Variants in ADAMTS3 observed in about 807,000 individuals in gnomAD.
ADAMTS3 encodes the protein A disintegrin and metalloproteinase with thrombospondin motifs 3.
Under a neutral mutation model 129.0 loss-of-function variants are expected in ADAMTS3, and 73 were observed. That is an observed-to-expected ratio of 0.57 (90% CI 0.47 to 0.69). ADAMTS3 has a LOEUF of 0.69. ADAMTS3 is among the 30% of genes least tolerant of loss of function. The pLI is 0.00. For missense variants in ADAMTS3, 1,457 were observed against 1,514.5 expected (o/e 0.96, Z 0.63); for synonymous variants, 477 against 510.8 (o/e 0.93, Z 0.89).
intron 4 of ADAMTS3, among the ~76,000 whole-genome samples, chr4:72,350,159 C>T (rs1720393989): frequency 6.6e-6 from 1 of 151,926 alleles, no homozygotes; most frequent in African/African-American, 2.4e-5. Context: ...CTGCTAAAGA[C>T]ACTTATTTGC....
At chr4:72,409,229 A>G (rs757025894) in intron 4 of ADAMTS3, among the ~76,000 whole-genome samples, 15 of 152,260 alleles carry the variant, frequency 9.9e-5, no homozygotes, top group Non-Finnish European at 2.1e-4. Flanking sequence ...TTGATAATAG[A>G]GTGTGTTTTA....
chr4:72,545,532 C>T (rs1347629985), intron 3 of ADAMTS3, among the ~76,000 whole-genome samples: 1 of 152,128 alleles, frequency 6.6e-6, no homozygotes, highest in Non-Finnish European at 1.5e-5. Flanking sequence ...TTGCTTTGTT[C>T]CTACTCCCTG....
intron 5 of ADAMTS3, among the ~76,000 whole-genome samples, chr4:72,330,978 T>A (rs1014317215): frequency 1.5e-4 from 23 of 151,116 alleles, no homozygotes; most frequent in African/African-American, 5.4e-4. Context: ...ATACAAAGGT[T>A]GTAACAAAGT....
chr4:72,336,242 T>G (rs528032738), intron 5 of ADAMTS3, among the ~76,000 whole-genome samples: 2 of 152,292 alleles, frequency 1.3e-5, no homozygotes, highest in South Asian at 4.2e-4. Context: ...AAGATAGAAT[T>G]TTTTGCTGTT....
At chr4:72,285,824 A>C (rs1483050380) in intron 21 of ADAMTS3, among the ~76,000 whole-genome samples, 2 of 152,166 alleles carry the variant, frequency 1.3e-5, no homozygotes, top group Admixed American at 1.3e-4. Context: ...CACATGAAAA[A>C]AATCAATCAA....
chr4:72,437,343 C>A (rs1201015298), intron 3 of ADAMTS3, among the ~76,000 whole-genome samples: 4 of 151,782 alleles, frequency 2.6e-5, no homozygotes, highest in African/African-American at 4.8e-5. Context: ...CTGCTAGAAC[C>A]ACGTACATCG....
At chr4:72,540,446 T>C (rs932635073) in intron 3 of ADAMTS3, among the ~76,000 whole-genome samples, 24 of 152,236 alleles carry the variant, frequency 1.6e-4, no homozygotes, top group Non-Finnish European at 1.6e-4. Flanking sequence ...GACAATGCAA[T>C]AGGAAAGAAA....
intron 3 of ADAMTS3, among the ~76,000 whole-genome samples, chr4:72,494,409 T>A (rs1282682857): frequency 6.6e-6 from 1 of 152,144 alleles, no homozygotes; most frequent in East Asian, 1.9e-4. Context: ...GCTCCAGAAT[T>A]TCTGTTTGGT....
chr4:72,405,341 A>G (rs1046363468), intron 4 of ADAMTS3, among the ~76,000 whole-genome samples: 1 of 152,144 alleles, frequency 6.6e-6, no homozygotes, highest in Non-Finnish European at 1.5e-5. Context: ...ATATATATAC[A>G]TGGAATATTA....
rs558243721 is a variant in ADAMTS3 at position 72,409,114 on chromosome 4, C to G, written c.661+5701G>C. Among the ~76,000 whole-genome samples the G allele has an allele frequency of 2.0e-5, 3 of 152,054 alleles. No homozygotes were observed. In the East Asian group the frequency reaches 5.8e-4, roughly 29 times the overall value. On this transcript the variant is annotated intron_variant, in intron 4 of 21. Coordinates refer to ENST00000286657, the MANE Select transcript of ADAMTS3 (RefSeq NM_014243.3). ...AAAATAAAATGTGGTTAAGGAGGCA[C>G]GCTTGGCATGAGCAGAGTCAAAATG...
At chr4:72,333,360 C>A (rs985792455) in intron 5 of ADAMTS3, among the ~76,000 whole-genome samples, 3 of 152,034 alleles carry the variant, frequency 2.0e-5, no homozygotes, top group Non-Finnish European at 4.4e-5. Flanking sequence ...AATGTTCAAG[C>A]TAAAAAAACG....
At chr4:72,315,780 T>TGGTA (rs1175901563) in intron 11 of ADAMTS3, 78 bp downstream of exon 11, 1 of 932,344 alleles carries the variant, frequency 1.1e-6, no homozygotes, top group African/African-American at 1.7e-5. Context: ...GCAGCTGTGT[T>TGGTA]TACCATTTTC....
chr4:72,371,460 A>C (rs1721003036), intron 4 of ADAMTS3, among the ~76,000 whole-genome samples: 1 of 151,620 alleles, frequency 6.6e-6, no homozygotes, highest in Admixed American at 6.6e-5. Flanking sequence ...TAAATAAATA[A>C]ATAAATAAAT....
At chr4:72,564,290 A>G (rs1030472887) in intron 2 of ADAMTS3, among the ~76,000 whole-genome samples, 4 of 152,152 alleles carry the variant, frequency 2.6e-5, no homozygotes, top group African/African-American at 9.7e-5. Flanking sequence ...CAGATTTTCC[A>G]GTGTCTACAG....
intron 6 of ADAMTS3, among the ~76,000 whole-genome samples, chr4:72,322,157 C>T (rs1167713366): frequency 6.6e-6 from 1 of 152,098 alleles, no homozygotes; most frequent in Non-Finnish European, 1.5e-5. Context: ...TTATTTCCAG[C>T]TGGAGTTAAT....
chr4:72,325,628 A>G (rs574344801), intron 5 of ADAMTS3, among the ~76,000 whole-genome samples: 4 of 152,346 alleles, frequency 2.6e-5, no homozygotes, highest in Non-Finnish European at 4.4e-5. Context: ...AAATAAAACT[A>G]GATAACAATA....
chr4:72,530,836 A>T lies in ADAMTS3; in HGVS notation c.504+17642T>A, dbSNP rs1380165527. Among the ~76,000 whole-genome samples, 67 of 122,878 alleles carry T rather than the reference A, an allele frequency of 5.5e-4. 1 individual carries two copies. Among genetic ancestry groups the T allele is most frequent in the Non-Finnish European group, 9.4e-4 (59 of 62,608 alleles). The allele number at this position is 122,878 out of a possible 152,430, so 80.6% of individuals were successfully genotyped here. On this transcript the variant is annotated intron_variant, in intron 3 of 21. Coordinates refer to ENST00000286657, the MANE Select transcript of ADAMTS3 (RefSeq NM_014243.3). ...ATTATATATTATATAGATTATATAT[A>T]ATATATAATATATAATATTTTATAT...
At chr4:72,455,852 T>G (rs1251101174) in intron 3 of ADAMTS3, among the ~76,000 whole-genome samples, 1,924 of 122,110 alleles carry the variant, frequency 0.016, 133 homozygotes, top group African/African-American at 0.06. Flanking sequence ...ACTATATATT[T>G]TATATATAGT....
rs1438888088 is a variant in ADAMTS3 at position 72,314,630 on chromosome 4, A to G, written c.1600-808T>C. Among the ~76,000 whole-genome samples the G allele has an allele frequency of 3.9e-5, 6 of 152,224 alleles. No homozygotes were observed. In the East Asian group the frequency reaches 1.2e-3, roughly 29 times the overall value. On this transcript the variant is annotated intron_variant, in intron 11 of 21. Coordinates refer to ENST00000286657, the MANE Select transcript of ADAMTS3 (RefSeq NM_014243.3). Reference sequence around the variant, plus strand: ...AATATATTTAAGAAAGTTGAATGTTAAAAAGTTAATTATATAATTTTTTAT... The same window carrying G: ...AATATATTTAAGAAAGTTGAATGTTGAAAAGTTAATTATATAATTTTTTAT...
Sources: gnomAD v4.1 joint callset for allele counts (sites outside exome capture counted in the v4.1 genomes callset) on GRCh38, gnomAD v4.1.1 for gene constraint, MANE v1.5 for transcripts, NCBI Gene and HGNC (gene_info 2026-07-23, HGNC 2026-07-21) for gene names.